SNX24: variants seen among roughly 807,000 people sequenced by gnomAD.
The protein encoded by SNX24 is sorting nexin-24.
SNX24 carries 22 observed loss-of-function variants against 28.7 expected under a neutral mutation model. That is an observed-to-expected ratio of 0.77 (90% CI 0.55 to 1.10). The LOEUF is 1.10. SNX24 is among the 50% of genes least tolerant of loss of function. The pLI is 0.00. For missense variants in SNX24, 221 were observed against 201.1 expected (o/e 1.10, Z -0.60); for synonymous variants, 69 against 71.5 (o/e 0.96, Z 0.18).
chr5:122,870,792 AC>A (rs1755938489), intron 1 of SNX24, among the ~76,000 whole-genome samples: 1 of 152,118 alleles, frequency 6.6e-6, no homozygotes, highest in Non-Finnish European at 1.5e-5. Context: ...CAGGTGCCTG[AC>A]CCTAAGGGAG....
intron 1 of SNX24, among the ~76,000 whole-genome samples, chr5:122,907,076 C>G (rs530180398): frequency 6.6e-6 from 1 of 152,142 alleles, no homozygotes; most frequent in Non-Finnish European, 1.5e-5. Context: ...TTTAATCCTA[C>G]GTCATTTTCT....
intron 3 of SNX24, among the ~76,000 whole-genome samples, chr5:122,947,098 G>A (rs1581784049): frequency 6.6e-6 from 1 of 152,154 alleles, no homozygotes; most frequent in South Asian, 2.1e-4. Flanking sequence ...AAAAGAGCTG[G>A]ACTCCCACCT....
chr5:122,877,972 G>A (rs929541931), intron 1 of SNX24, among the ~76,000 whole-genome samples: 2 of 152,120 alleles, frequency 1.3e-5, no homozygotes, highest in African/African-American at 4.8e-5. Flanking sequence ...GATGATGCTT[G>A]AGACTCAACC....
chr5:122,902,883 T>G (rs1757499707), intron 1 of SNX24, among the ~76,000 whole-genome samples: 1 of 152,164 alleles, frequency 6.6e-6, no homozygotes, highest in South Asian at 2.1e-4. Flanking sequence ...TCAACTGAGT[T>G]TCAACTCATA....
Position 122,845,706 on chromosome 5 carries a change from C to A in SNX24, c.60+13C>A. The A allele has an allele frequency of 7.3e-7, 1 of 1,370,196 alleles. No homozygotes were observed. Among genetic ancestry groups the A allele is most frequent in the Admixed American group, 2.8e-5 (1 of 35,610 alleles). 84.9% of individuals were successfully genotyped at this position (1,370,196 alleles called of 1,614,324 possible). ...GCGGGGATACACGGTAGGCGCGGGC[C>A]GCGGGCGGACAGGGCCCCGCGAGCC... On this transcript the variant is annotated intron_variant, in intron 1 of 6. Coordinates refer to ENST00000261369, the MANE Select transcript of SNX24 (RefSeq NM_014035.4).
chr5:122,889,875 A>G (rs1756890383), intron 1 of SNX24, among the ~76,000 whole-genome samples: 1 of 151,282 alleles, frequency 6.6e-6, no homozygotes, highest in South Asian at 2.1e-4. Flanking sequence ...TGTAGTCTGT[A>G]TTACAAATTT....
At chr5:122,938,311 CA>C in intron 2 of SNX24, among the ~76,000 whole-genome samples, 1 of 151,796 alleles carries the variant, frequency 6.6e-6, no homozygotes, top group East Asian at 1.9e-4. Context: ...TATTCATGGT[CA>C]AAAAAAATCC....
At chr5:122,879,043 C>T (rs1026272095) in intron 1 of SNX24, among the ~76,000 whole-genome samples, 6 of 151,654 alleles carry the variant, frequency 4.0e-5, no homozygotes, top group Admixed American at 2.0e-4. Context: ...TTTTAGTGGC[C>T]CTATTAAAAA....
intron 3 of SNX24, among the ~76,000 whole-genome samples, chr5:122,949,000 G>C (rs1002110304): frequency 1.3e-5 from 2 of 152,100 alleles, no homozygotes; most frequent in African/African-American, 4.8e-5. Context: ...TCAATAACTT[G>C]AATAGCAAAA....
intron 1 of SNX24, among the ~76,000 whole-genome samples, chr5:122,896,070 A>G (rs892640256): frequency 2.6e-5 from 4 of 152,220 alleles, no homozygotes; most frequent in African/African-American, 9.6e-5. Context: ...AATCACTTGA[A>G]CTGGGGGGCA....
chr5:122,891,111 A>G (rs778706432), intron 1 of SNX24: 1 of 1,529,428 alleles, frequency 6.5e-7, no homozygotes, highest in South Asian at 1.3e-5. Flanking sequence ...TTCAAATGGA[A>G]GACTTACATA....
intron 1 of SNX24, among the ~76,000 whole-genome samples, chr5:122,853,033 TC>T (rs1754993338): frequency 2.0e-5 from 3 of 151,792 alleles, no homozygotes; most frequent in East Asian, 3.9e-4. Flanking sequence ...AGTGCCTCAT[TC>T]ATGGTAGGCT....
chr5:122,945,400 C>T (rs570293188), intron 2 of SNX24, among the ~76,000 whole-genome samples: 5 of 152,292 alleles, frequency 3.3e-5, no homozygotes, highest in Non-Finnish European at 5.9e-5. Context: ...GATTATTCTG[C>T]CTACCACAGA....
At chr5:123,009,484 T>G (rs1762519814), downstream of SNX24, among the ~76,000 whole-genome samples, 1 of 152,252 alleles carries the variant, frequency 6.6e-6, no homozygotes, top group Non-Finnish European at 1.5e-5. Flanking sequence ...TTCTGAGAAT[T>G]AAGTTTTTTC....
chr5:122,918,942 A>G (rs191360796), intron 1 of SNX24, among the ~76,000 whole-genome samples: 12 of 152,380 alleles, frequency 7.9e-5, no homozygotes, highest in Admixed American at 2.0e-4. Flanking sequence ...AAGTGTGTAT[A>G]TATATAATCT....
At chr5:123,002,493 G>A (rs969574395) in intron 6 of SNX24, among the ~76,000 whole-genome samples, 2 of 152,108 alleles carry the variant, frequency 1.3e-5, no homozygotes, top group East Asian at 1.9e-4. Flanking sequence ...TTAGCCGGGC[G>A]TGGTGGCCGG....
chr5:122,913,223 G>A (rs1757973583), intron 1 of SNX24, among the ~76,000 whole-genome samples: 1 of 152,210 alleles, frequency 6.6e-6, no homozygotes, highest in African/African-American at 2.4e-5. Flanking sequence ...TCAATGAGCT[G>A]TTGGGTACAC....
intron 1 of SNX24, among the ~76,000 whole-genome samples, chr5:122,897,179 A>AT (rs146005379): frequency 0.27 from 40,960 of 152,144 alleles, 6,256 homozygotes; most frequent in Admixed American, 0.35. Flanking sequence ...CCTCATCAGT[A>AT]TGCCAGTAGG....
intron 3 of SNX24, among the ~76,000 whole-genome samples, chr5:122,985,744 A>G (rs1300299265): frequency 1.3e-5 from 2 of 152,180 alleles, no homozygotes; most frequent in Non-Finnish European, 1.5e-5. Flanking sequence ...AGAGCATTCC[A>G]TGAGGAGACT....
Sources: gnomAD v4.1 joint callset for allele counts (sites outside exome capture counted in the v4.1 genomes callset) on GRCh38, gnomAD v4.1.1 for gene constraint, MANE v1.5 for transcripts, NCBI Gene and HGNC (gene_info 2026-07-23, HGNC 2026-07-21) for gene names.